Variants in SLCO1A2 observed in about 807,000 individuals in gnomAD.
SLCO1A2 encodes solute carrier organic anion transporter family member 1A2.
A neutral mutation model predicts 69.0 loss-of-function variants in SLCO1A2; 67 were observed. The observed-to-expected ratio is 0.97, with a 90% confidence interval of 0.80 to 1.19. The LOEUF is 1.19. Among genes scored for constraint, SLCO1A2 ranks in the 50% most tolerant of loss-of-function variants. The pLI, the probability that SLCO1A2 is intolerant of heterozygous loss-of-function variation, is 0.00. For synonymous variants in SLCO1A2, 260 were observed against 265.9 expected (o/e 0.98, Z 0.22); for missense variants, 787 against 793.7 (o/e 0.99, Z 0.10).
chr12:21,399,733 C>T (rs1156590819), upstream of SLCO1A2, among the ~76,000 whole-genome samples: 2 of 128,744 alleles, frequency 1.6e-5, no homozygotes, highest in African/African-American at 5.8e-5. Context: ...ATATCTACAA[C>T]TATCTGATCT....
intron 2 of SLCO1A2, among the ~76,000 whole-genome samples, chr12:21,364,843 TG>T (rs1294571114): frequency 3.9e-5 from 6 of 152,122 alleles, no homozygotes; most frequent in Non-Finnish European, 5.9e-5. Context: ...TTACAAGGGA[TG>T]TGAAGTACCT....
intron 2 of SLCO1A2, 54 bp downstream of exon 2, chr12:21,334,534 G>A (rs563198839): frequency 4.8e-5 from 63 of 1,322,206 alleles, no homozygotes; most frequent in African/African-American, 7.3e-5. Flanking sequence ...CAGGACTGTC[G>A]TATTTTAAAA....
Position 21,388,605 on chromosome 12 carries a change from G to T in SLCO1A2, c.-190+6301C>A, listed in dbSNP as rs149982888. 7.8e-3 allele frequency among the ~76,000 whole-genome samples: 1,185 copies of T among 152,144 alleles called. 17 individuals carry two copies. The highest frequency in any genetic ancestry group is 0.028 in the African/African-American group (1,142 of 41,488). ...TTAAATCTCTCTTTATTTATAAATT[G>T]CCCAGTCTTGGGTATTTCTTTATAG... is the stretch of plus-strand genomic sequence containing the variant. On this transcript the variant is annotated intron_variant, in intron 1 of 15. Coordinates refer to the SLCO1A2 transcript ENST00000307378.
At chr12:21,371,384 T>C (rs1939777138) in intron 2 of SLCO1A2, among the ~76,000 whole-genome samples, 1 of 146,484 alleles carries the variant, frequency 6.8e-6, no homozygotes. Context: ...AAATGCATTA[T>C]CCTTCCATTT....
At chr12:21,404,466 A>G (rs1050934388) in intron 1 of SLCO1A2, among the ~76,000 whole-genome samples, 5 of 152,074 alleles carry the variant, frequency 3.3e-5, no homozygotes, top group Non-Finnish European at 4.4e-5. Flanking sequence ...AGCTCCCACT[A>G]TTAGTGAGAA....
chr12:21,388,168 C>T (rs1454514484), intron 1 of SLCO1A2, among the ~76,000 whole-genome samples: 2 of 152,030 alleles, frequency 1.3e-5, no homozygotes, highest in African/African-American at 4.8e-5. Context: ...TTTGCCTTAT[C>T]TCTGATAAGA....
At chr12:21,333,466 T>C (rs1952734304) in intron 2 of SLCO1A2, among the ~76,000 whole-genome samples, 1 of 152,116 alleles carries the variant, frequency 6.6e-6, no homozygotes, top group African/African-American at 2.4e-5. Context: ...CCTAATGAAT[T>C]TTGCTTAATG....
At chr12:21,355,460 G>A (rs1425283280) in intron 2 of SLCO1A2, among the ~76,000 whole-genome samples, 1 of 152,176 alleles carries the variant, frequency 6.6e-6, no homozygotes, top group Non-Finnish European at 1.5e-5. Context: ...TAATCAATAA[G>A]TGACAGGAAG....
intron 1 of SLCO1A2, among the ~76,000 whole-genome samples, chr12:21,413,107 G>T (rs561690364): frequency 5.4e-4 from 82 of 151,488 alleles, no homozygotes; most frequent in African/African-American, 1.8e-3. Flanking sequence ...TATTTTTTTT[G>T]ATTTTGGTAT....
At chr12:21,309,255 G>GA (rs1565489278) in intron 4 of SLCO1A2, among the ~76,000 whole-genome samples, 1 of 152,090 alleles carries the variant, frequency 6.6e-6, no homozygotes, top group Admixed American at 6.5e-5. Context: ...TCTAGAAAGA[G>GA]AAAACAGTGT....
intron 2 of SLCO1A2, chr12:21,373,284 C>T: frequency 4.7e-6 from 5 of 1,057,026 alleles, no homozygotes; most frequent in Non-Finnish European, 7.4e-6. Flanking sequence ...AAAATTACAT[C>T]AATTAGAACT....
At chr12:21,376,350 T>C (rs1940190287) in intron 1 of SLCO1A2, 1 of 361,506 alleles carries the variant, frequency 2.8e-6, no homozygotes, top group Non-Finnish European at 5.6e-6. Context: ...CAATTTTTAC[T>C]GTTTTTCAAG....
intron 4 of SLCO1A2, among the ~76,000 whole-genome samples, chr12:21,311,972 A>AAGG (rs35997979): frequency 1.3e-5 from 2 of 150,790 alleles, no homozygotes; most frequent in Non-Finnish European, 3.0e-5. Context: ...GGAGAAGAAG[A>AAGG]AGGAGGAGGA....
chr12:21,349,749 C>T (rs1180731759), intron 2 of SLCO1A2, among the ~76,000 whole-genome samples: 1 of 152,166 alleles, frequency 6.6e-6, no homozygotes, highest in Non-Finnish European at 1.5e-5. Flanking sequence ...AAAGATTTTA[C>T]TTCTGTGCCT....
intron 11 of SLCO1A2, 120 bp downstream of exon 11, chr12:21,293,825 C>T: frequency 1.3e-6 from 1 of 760,260 alleles, no homozygotes; most frequent in Non-Finnish European, 2.0e-6. Context: ...TTTCCACATA[C>T]AAAAAAAGTA....
At chr12:21,394,480 G>A (rs935085913) in intron 1 of SLCO1A2, among the ~76,000 whole-genome samples, 12 of 150,650 alleles carry the variant, frequency 8.0e-5, no homozygotes, top group African/African-American at 2.9e-4. Flanking sequence ...GGTAGAGGCT[G>A]CAAGTGAGCT....
intron 2 of SLCO1A2, among the ~76,000 whole-genome samples, chr12:21,347,275 G>T (rs1259308974): frequency 6.6e-6 from 1 of 152,156 alleles, no homozygotes; most frequent in East Asian, 1.9e-4. Flanking sequence ...CACAAAACCA[G>T]AGGCAGAATG....
intron 2 of SLCO1A2, among the ~76,000 whole-genome samples, chr12:21,349,942 T>G (rs776378235): frequency 1.1e-4 from 17 of 152,220 alleles, no homozygotes; most frequent in Non-Finnish European, 2.2e-4. Context: ...AGAAACTTGA[T>G]CTGCCTTGCT....
intron 2 of SLCO1A2, among the ~76,000 whole-genome samples, chr12:21,349,230 G>C (rs1788707095): frequency 6.6e-6 from 1 of 152,216 alleles, no homozygotes; most frequent in South Asian, 2.1e-4. Context: ...GAGATATAAA[G>C]AGAAGGATAG....
Sources: allele counts gnomAD v4.1 joint callset (sites outside exome capture counted in the v4.1 genomes callset), GRCh38; gene constraint gnomAD v4.1.1; transcripts MANE v1.5; gene names NCBI Gene and HGNC (gene_info 2026-07-23, HGNC 2026-07-21).